Variants in ADAMTS17 observed in about 807,000 individuals in gnomAD.
ADAMTS17 encodes A disintegrin and metalloproteinase with thrombospondin motifs 17.
In ADAMTS17, 113 loss-of-function variants were observed where a neutral mutation model predicts 141.5. The ratio of observed to expected loss-of-function variants is 0.80; its 90% CI spans 0.69 to 0.93. The LOEUF is 0.93. Among genes scored for constraint, ADAMTS17 ranks in the 40% least tolerant of loss-of-function variants. The probability of loss-of-function intolerance (pLI) is 0.00; values close to 1 mark genes in which losing one functional copy is unlikely to be tolerated. For synonymous variants in ADAMTS17, 768 were observed against 630.6 expected (o/e 1.22, Z -3.27); for missense variants, 1,659 against 1,517.9 (o/e 1.09, Z -1.54).
intron 18 of ADAMTS17, among the ~76,000 whole-genome samples, chr15:100,009,980 G>A (rs1227672001): frequency 6.6e-6 from 1 of 152,184 alleles, no homozygotes; most frequent in African/African-American, 2.4e-5. Context: ...GTCGTGGGAG[G>A]GACCTGGTGG....
Position 100,131,934 on chromosome 15 carries a change from G to A in ADAMTS17, c.1721+73C>T, listed in dbSNP as rs180921809. 30 of 1,606,038 alleles carry A rather than the reference G, an allele frequency of 1.9e-5. No individual in the cohort carries two copies. In the African/African-American group the frequency reaches 4.0e-4, roughly 21 times the overall value. Reference sequence around the variant, plus strand: ...CAGCGGGAGACAGACCCTGCTTTGTGTGAGGCAGCGAGAGCTGCTGTTGGG... The same window carrying A: ...CAGCGGGAGACAGACCCTGCTTTGTATGAGGCAGCGAGAGCTGCTGTTGGG... On this transcript the variant is annotated intron_variant, in intron 12 of 21. Transcript: ENST00000268070.
chr15:100,248,962 C>T (rs1025335646), intron 7 of ADAMTS17, among the ~76,000 whole-genome samples: 2 of 151,904 alleles, frequency 1.3e-5, no homozygotes, highest in Non-Finnish European at 2.9e-5. Context: ...CCACGCCTGG[C>T]TAATTTTTGT....
chr15:100,331,121 G>A (rs892283704), intron 2 of ADAMTS17, 67 bp from the exon 3 acceptor site: 1 of 1,597,368 alleles, frequency 6.3e-7, no homozygotes, highest in Non-Finnish European at 8.5e-7. Flanking sequence ...TGGCCCCCCG[G>A]AGGGGCAGGC....
intron 2 of ADAMTS17, among the ~76,000 whole-genome samples, chr15:100,332,946 G>C (rs1353786313): frequency 1.3e-5 from 2 of 152,134 alleles, no homozygotes; most frequent in Non-Finnish European, 2.9e-5. Flanking sequence ...CCTGCGTGAG[G>C]AAGGGCCCTG....
intron 14 of ADAMTS17, among the ~76,000 whole-genome samples, chr15:100,098,679 A>G (rs74037356): frequency 0.082 from 12,264 of 150,110 alleles, 971 homozygotes; most frequent in African/African-American, 0.2. Flanking sequence ...AAAAAAAATT[A>G]TAAGGGCTAA....
At chr15:100,194,480 G>A (rs752337418) in intron 8 of ADAMTS17, among the ~76,000 whole-genome samples, 29 of 152,186 alleles carry the variant, frequency 1.9e-4, no homozygotes, top group Non-Finnish European at 3.7e-4. Flanking sequence ...CCAAACAGCT[G>A]CATTACACCC....
At chr15:100,315,957 GCC>G (rs1211751313) in intron 3 of ADAMTS17, among the ~76,000 whole-genome samples, 1 of 152,228 alleles carries the variant, frequency 6.6e-6, no homozygotes, top group Non-Finnish European at 1.5e-5. Context: ...CTTTGGCCAA[GCC>G]TTGAACACTC....
At position 100,119,476 on chromosome 15, in the gene ADAMTS17, T is replaced by G. The variant is rs536960874; in HGVS notation, c.1722-2463A>C. Among the ~76,000 whole-genome samples, 4 of 152,350 alleles carry G rather than the reference T, an allele frequency of 2.6e-5. No homozygotes were observed. The South Asian group carries it at 8.3e-4, about 32-fold the overall frequency. On this transcript the variant is annotated intron_variant, in intron 12 of 21. Transcript: ENST00000268070. ...TACACACTTGAGTATAGACTCTGAT[T>G]GGTGAACATCATGTGATTAACTTCC...
chr15:100,239,800 G>C (rs1204432482), intron 7 of ADAMTS17, among the ~76,000 whole-genome samples: 5 of 152,304 alleles, frequency 3.3e-5, no homozygotes, highest in African/African-American at 9.6e-5. Context: ...ATTTGACGAA[G>C]AAGTCAGGTG....
intron 3 of ADAMTS17, among the ~76,000 whole-genome samples, chr15:100,325,869 G>A (rs185685882): frequency 1.1e-4 from 17 of 152,288 alleles, no homozygotes; most frequent in African/African-American, 3.4e-4. Context: ...ATAGCCATCT[G>A]CAAGCCAAGG....
At chr15:100,074,137 T>G (rs898832993) in intron 15 of ADAMTS17, 3 of 153,108 alleles carry the variant, frequency 2.0e-5, no homozygotes, top group African/African-American at 4.8e-5. Flanking sequence ...TGACCTTGCT[T>G]AGCTTCTGAG....
Position 100,170,000 on chromosome 15 carries a change from A to G in ADAMTS17, c.1182-14680T>C, listed in dbSNP as rs535006432. 2.6e-4 allele frequency among the ~76,000 whole-genome samples: 39 copies of G among 152,192 alleles called. No individual in the cohort carries two copies. The South Asian group carries it at 7.7e-3, about 30-fold the overall frequency. On this transcript the variant is annotated intron_variant, in intron 8 of 21. Coordinates refer to ENST00000268070, the MANE Select transcript of ADAMTS17 (RefSeq NM_139057.4). Reference sequence around the variant, plus strand: ...CCCGGACACCTCCTAGTCTCTTATCATAAGTACAGGTCCGAGACATTACCT... The same window carrying G: ...CCCGGACACCTCCTAGTCTCTTATCGTAAGTACAGGTCCGAGACATTACCT...
chr15:99,977,400 AATTTTT>A (rs1173431874), intron 20 of ADAMTS17, among the ~76,000 whole-genome samples: 2 of 4,756 alleles, frequency 4.2e-4, no homozygotes, highest in African/African-American at 1.2e-3. Context: ...ATATATATAT[AATTTTT>A]TTTTTTTTTT....
intron 4 of ADAMTS17, among the ~76,000 whole-genome samples, chr15:100,275,475 G>C (rs2044050049): frequency 6.6e-6 from 1 of 152,232 alleles, no homozygotes; most frequent in African/African-American, 2.4e-5. Flanking sequence ...AGCTCCAGCA[G>C]CTGTCAAGGC....
At position 100,004,617 on chromosome 15, in the gene ADAMTS17, C is replaced by CT. The variant is rs10591279; in HGVS notation, c.2592-7029dup. Reference sequence around the variant, plus strand: ...TTCTTAAAAGCATGATACTGTAATTCTTTTTTTTTTTTTTTTTTTTTTGAG... The same window carrying CT: ...TTCTTAAAAGCATGATACTGTAATTCTTTTTTTTTTTTTTTTTTTTTTTGAG... On this transcript the variant is annotated intron_variant, in intron 18 of 21. Coordinates refer to ENST00000268070, the MANE Select transcript of ADAMTS17 (RefSeq NM_139057.4). Among the ~76,000 whole-genome samples, 846 of 116,196 alleles carry CT rather than the reference C, an allele frequency of 7.3e-3. 7 individuals are homozygous for CT. The highest frequency in any genetic ancestry group is 9.6e-3 in the Admixed American group (109 of 11,316). The allele number at this position is 116,196 out of a possible 152,430, so 76.2% of individuals were successfully genotyped here.
At chr15:100,332,067 G>A (rs116769540) in intron 2 of ADAMTS17, among the ~76,000 whole-genome samples, 189 of 152,186 alleles carry the variant, frequency 1.2e-3, no homozygotes, top group African/African-American at 3.1e-3. Context: ...ACAATCTTGC[G>A]TCCCCAAGAT....
chr15:100,264,316 T>C (rs1265654723), intron 4 of ADAMTS17, among the ~76,000 whole-genome samples: 2 of 152,214 alleles, frequency 1.3e-5, no homozygotes, highest in Non-Finnish European at 2.9e-5. Context: ...CCAATGGCTG[T>C]AATTCAAATT....
chr15:100,127,392 AG>A (rs949708717), intron 12 of ADAMTS17, among the ~76,000 whole-genome samples: 2 of 152,218 alleles, frequency 1.3e-5, no homozygotes, highest in African/African-American at 4.8e-5. Context: ...CCTCCAAGCC[AG>A]GGGAGGCCAA....
At chr15:100,252,581 A>G (rs1193772155) in intron 7 of ADAMTS17, among the ~76,000 whole-genome samples, 2 of 152,300 alleles carry the variant, frequency 1.3e-5, no homozygotes, top group East Asian at 1.9e-4. Flanking sequence ...CCACTCCTAG[A>G]AACAGCACAT....
Sources: gnomAD v4.1 joint callset for allele counts (sites outside exome capture counted in the v4.1 genomes callset) on GRCh38, gnomAD v4.1.1 for gene constraint, MANE v1.5 for transcripts, NCBI Gene and HGNC (gene_info 2026-07-23, HGNC 2026-07-21) for gene names.